ADGRL3: variants seen among roughly 807,000 people sequenced by gnomAD.
ADGRL3 encodes the protein calcium-independent alpha-latrotoxin receptor 3.
A neutral mutation model predicts 153.5 loss-of-function variants in ADGRL3; 62 were observed. The observed-to-expected ratio is 0.40, with a 90% CI of 0.33 to 0.50. The LOEUF is 0.50. ADGRL3 is among the 20% of genes least tolerant of loss of function. The probability of loss-of-function intolerance (pLI) is 0.47; values close to 1 mark genes in which losing one functional copy is unlikely to be tolerated. For missense variants in ADGRL3, 1,641 were observed against 1,859.4 expected (o/e 0.88, Z 2.16); for synonymous variants, 710 against 672.5 (o/e 1.06, Z -0.86).
At chr4:61,493,237 G>A (rs2098276429) in intron 2 of ADGRL3, among the ~76,000 whole-genome samples, 1 of 152,066 alleles carries the variant, frequency 6.6e-6, no homozygotes, top group South Asian at 2.1e-4. Flanking sequence ...GGCAGGCGGT[G>A]AGGCTGGAAT....
chr4:61,872,451 T>C (rs1283127999), intron 9 of ADGRL3, among the ~76,000 whole-genome samples: 1 of 151,608 alleles, frequency 6.6e-6, no homozygotes, highest in African/African-American at 2.4e-5. Flanking sequence ...TCTGAAATTG[T>C]TTGTTTTTTT....
At chr4:61,824,736 T>C (rs1354244603) in intron 9 of ADGRL3, among the ~76,000 whole-genome samples, 3 of 152,166 alleles carry the variant, frequency 2.0e-5, no homozygotes, top group African/African-American at 7.2e-5. Context: ...AACACATGCA[T>C]ATATGCACAC....
chr4:61,890,188 A>G (rs912237638), intron 9 of ADGRL3, among the ~76,000 whole-genome samples: 1 of 152,216 alleles, frequency 6.6e-6, no homozygotes, highest in South Asian at 2.1e-4. Flanking sequence ...ACTGTAGCTT[A>G]TTATCAATGA....
chr4:61,995,763 TA>T (rs1472333282), intron 19 of ADGRL3, among the ~76,000 whole-genome samples: 1 of 152,144 alleles, frequency 6.6e-6, no homozygotes, highest in Non-Finnish European at 1.5e-5. Context: ...GTATGAGCAG[TA>T]ACAATGCACT....
chr4:61,366,343 C>G (rs1393899959), intron 1 of ADGRL3, among the ~76,000 whole-genome samples: 3 of 152,136 alleles, frequency 2.0e-5, no homozygotes, highest in Non-Finnish European at 4.4e-5. Flanking sequence ...TATAAAGGCA[C>G]AAGTGGAGTA....
intron 4 of ADGRL3, among the ~76,000 whole-genome samples, chr4:61,535,113 T>TA (rs1013874328): frequency 4.1e-5 from 6 of 147,288 alleles, no homozygotes; most frequent in Non-Finnish European, 9.0e-5. Flanking sequence ...TATTTTTTTT[T>TA]ATGCCTAGTT....
At chr4:61,854,092 C>T (rs1246415885) in intron 9 of ADGRL3, among the ~76,000 whole-genome samples, 1 of 152,118 alleles carries the variant, frequency 6.6e-6, no homozygotes, top group African/African-American at 2.4e-5. Context: ...TTTATTGCCT[C>T]TTTATTGGTA....
chr4:61,900,513 G>C (rs1459116053), intron 11 of ADGRL3, among the ~76,000 whole-genome samples: 1 of 152,092 alleles, frequency 6.6e-6, no homozygotes, highest in East Asian at 1.9e-4. Context: ...GAATAAACTA[G>C]CTGGAATACA....
chr4:61,778,569 TC>T (rs546146120), intron 8 of ADGRL3, among the ~76,000 whole-genome samples: 1 of 152,348 alleles, frequency 6.6e-6, no homozygotes, highest in African/African-American at 2.4e-5. Flanking sequence ...TCTGCAACAT[TC>T]GGTTTTTTAA....
At chr4:61,727,202 A>G (rs2096363963) in intron 6 of ADGRL3, among the ~76,000 whole-genome samples, 1 of 152,196 alleles carries the variant, frequency 6.6e-6, no homozygotes, top group South Asian at 2.1e-4. Context: ...AGGAAAATTT[A>G]CTAGTCATTT....
At chr4:61,206,684 C>T (rs1050969708) in intron 1 of ADGRL3, among the ~76,000 whole-genome samples, 11 of 152,022 alleles carry the variant, frequency 7.2e-5, no homozygotes, top group African/African-American at 2.7e-4. Context: ...ATATCATAAT[C>T]AAAAGTCATT....
chr4:61,375,490 A>G (rs771612060), intron 1 of ADGRL3, among the ~76,000 whole-genome samples: 24 of 151,908 alleles, frequency 1.6e-4, no homozygotes, highest in Non-Finnish European at 3.2e-4. Flanking sequence ...CATCAAGTGT[A>G]CTCCCTGAGT....
chr4:62,014,869 A>G lies in ADGRL3; in HGVS notation c.3396-13986A>G, dbSNP rs921788739. On this transcript the variant is annotated intron_variant, in intron 21 of 26. Transcript: ENST00000683033. ...CTCCAGGTGCTTATCAGTTTCCCCA[A>G]TTCCAAGCAAATACCTCCCCTTTAA... Among the ~76,000 whole-genome samples, 5 of 152,126 alleles carry G rather than the reference A, an allele frequency of 3.3e-5. No homozygotes were observed. In the East Asian group the frequency reaches 9.6e-4, roughly 29 times the overall value.
rs1467071402 is a variant in ADGRL3, at chr4:61,748,781, A to G, written c.1399+15227A>G. Among the ~76,000 whole-genome samples, 3 of 152,048 alleles carry G rather than the reference A, an allele frequency of 2.0e-5. No homozygotes were observed. The East Asian group carries it at 5.8e-4, about 29-fold the overall frequency. On this transcript the variant is annotated intron_variant, in intron 8 of 26. Coordinates refer to ENST00000683033, the MANE Select transcript of ADGRL3 (RefSeq NM_001387552.1). ...CCTAGAAGAAAACCTAGGCATTACC[A>G]TTCAGGACATAGGCATGGGCAAGGA...
At chr4:61,492,807 T>C (rs1205240832) in intron 2 of ADGRL3, among the ~76,000 whole-genome samples, 2 of 152,120 alleles carry the variant, frequency 1.3e-5, no homozygotes, top group Non-Finnish European at 2.9e-5. Flanking sequence ...TTAAGCTTTT[T>C]GTAGAATTTC....
chr4:61,472,625 A>G (rs947763129), intron 2 of ADGRL3, among the ~76,000 whole-genome samples: 2 of 152,050 alleles, frequency 1.3e-5, no homozygotes, highest in Non-Finnish European at 2.9e-5. Flanking sequence ...AGTTCTGCTC[A>G]GTCTGAAGAG....
intron 2 of ADGRL3, among the ~76,000 whole-genome samples, chr4:61,487,327 T>C (rs1028939001): frequency 1.3e-5 from 2 of 152,204 alleles, no homozygotes; most frequent in African/African-American, 2.4e-5. Flanking sequence ...AGGAATAAGA[T>C]AGCCCCTTCC....
intron 8 of ADGRL3, among the ~76,000 whole-genome samples, chr4:61,762,193 A>G (rs1199858992): frequency 2.6e-5 from 4 of 152,098 alleles, no homozygotes; most frequent in Admixed American, 2.6e-4. Context: ...ATAACTGATT[A>G]TGAGTGATTT....
At chr4:61,802,554 C>T (rs2097510705) in intron 8 of ADGRL3, among the ~76,000 whole-genome samples, 1 of 152,050 alleles carries the variant, frequency 6.6e-6, no homozygotes, top group Non-Finnish European at 1.5e-5. Flanking sequence ...TCCTTCTCTC[C>T]ATGAGCACTG....
Sources: gnomAD v4.1 joint callset for allele counts (sites outside exome capture counted in the v4.1 genomes callset) on GRCh38, gnomAD v4.1.1 for gene constraint, MANE v1.5 for transcripts, NCBI Gene and HGNC (gene_info 2026-07-23, HGNC 2026-07-21) for gene names.